MMADHC: variants seen among roughly 807,000 people sequenced by gnomAD.
MMADHC encodes cobalamin trafficking protein CblD.
In MMADHC, 23 loss-of-function variants were observed where a neutral mutation model predicts 36.3. The observed-to-expected ratio is 0.63, with a 90% CI of 0.46 to 0.90. The LOEUF (loss-of-function observed/expected upper bound fraction) is 0.90, where lower values mean the gene tolerates loss of function less well. MMADHC is among the 40% of genes least tolerant of loss of function. The pLI is 0.00. For synonymous variants in MMADHC, 97 were observed against 116.1 expected (o/e 0.84, Z 1.06); for missense variants, 330 against 348.0 (o/e 0.95, Z 0.41).
chr2:149,587,352 C>A (rs1682888703), intron 1 of MMADHC: 2 of 569,592 alleles, frequency 3.5e-6, no homozygotes, highest in Non-Finnish European at 6.3e-6. Context: ...CAGCTCAGAG[C>A]CCTTCCGGTT....
chr2:149,573,168 G>A (rs1189675423), intron 6 of MMADHC, among the ~76,000 whole-genome samples: 1 of 152,142 alleles, frequency 6.6e-6, no homozygotes, highest in Non-Finnish European at 1.5e-5. Context: ...GGTCGCAGGA[G>A]ATGAGACCAA....
rs73965920 is a variant in MMADHC, at chr2:149,587,106, G to A, written c.-9C>T. 2.0e-4 allele frequency: 315 copies of A among 1,613,824 alleles called. No individual in the cohort carries two copies. The African/African-American group carries it at 3.8e-3, about 19-fold the overall frequency. On this transcript the variant is annotated 5_prime_UTR_variant, in exon 2 of 8. Transcript: ENST00000303319. ...TTACTCACATTGGCCATCTCCGCTG[G>A]AGAAGATAGTTCGCAAAATAGCTTT...
In MMADHC at chr2:149,582,243, G is replaced by T. The variant is rs777848447; in HGVS notation, c.38C>A (p.Ser13Tyr). ...NVLCNRARLV[S>Y]YLPGFCSLVK... is the part of the protein sequence containing the mutation. The stretch of plus-strand genomic sequence containing the variant: ...TAAAGAGCAAAATCCTGGGAGATAG[G>T]AAACCAGTCTGGCTCTGTTACAAAG... Residue 13 changes from serine to tyrosine, a missense_variant, in exon 3 of 8, where the codon TCC becomes TAC. Physicochemically the swap from Ser to Tyr is moderately radical, Grantham distance 144. Transcript: ENST00000303319. The T allele has an allele frequency of 9.9e-6, 16 of 1,613,670 alleles. No individual in the cohort carries two copies. The highest frequency in any genetic ancestry group is 1.3e-5 in the African/African-American group (1 of 74,892).
chr2:149,573,217 G>A (rs1159040715), intron 6 of MMADHC, among the ~76,000 whole-genome samples: 1 of 152,034 alleles, frequency 6.6e-6, no homozygotes, highest in African/African-American at 2.4e-5. Context: ...CCGCCTAATC[G>A]AACTGAATTC....
intron 2 of MMADHC, among the ~76,000 whole-genome samples, chr2:149,584,529 CCTGT>C (rs1418219213): frequency 4.6e-5 from 7 of 152,200 alleles, no homozygotes; most frequent in Admixed American, 2.0e-4. Context: ...ATTATTTTAG[CCTGT>C]CTATCAAGGC....
intron 5 of MMADHC, 113 bp from the exon 6 acceptor site, chr2:149,575,954 T>C: frequency 2.4e-6 from 2 of 837,792 alleles, no homozygotes; most frequent in Non-Finnish European, 1.9e-6. Flanking sequence ...GTAAAATTAC[T>C]GTGGTATTAG....
intron 4 of MMADHC, among the ~76,000 whole-genome samples, chr2:149,577,413 T>A (rs1033579629): frequency 6.6e-6 from 1 of 151,990 alleles, no homozygotes; most frequent in African/African-American, 2.4e-5. Context: ...GAATAGGAAG[T>A]AGTGGCAGAT....
In MMADHC at chr2:149,582,367, T is replaced by C; in HGVS notation, c.10-96A>G. ...CAAATCTTCACACTGCAAGGTTCTT[T>C]TAAAACCAACATTTATTCTACTTTT... On this transcript the variant is annotated intron_variant, in intron 2 of 7. Coordinates refer to ENST00000303319, the MANE Select transcript of MMADHC (RefSeq NM_015702.3). 1.4e-5 allele frequency: 17 copies of C among 1,240,570 alleles called. No individual in the cohort carries two copies. The South Asian group carries it at 2.2e-4, about 16-fold the overall frequency. The allele number at this position is 1,240,570 out of a possible 1,614,324, so 76.8% of individuals were successfully genotyped here. A position where few individuals can be genotyped will look rare whatever the true frequency, so the allele number is the denominator to read the frequency against.
chr2:149,575,182 G>A (rs1682694973), intron 6 of MMADHC, among the ~76,000 whole-genome samples: 1 of 152,152 alleles, frequency 6.6e-6, no homozygotes, highest in Admixed American at 6.5e-5. Flanking sequence ...ATATCTATGT[G>A]TAAGCATGGA....
Position 149,579,622 on chromosome 2 carries a change from T to G in MMADHC, c.181A>C (p.Thr61Pro). ...ICSRTVWPDETMGPFGPQDQR... is the reference protein window; with the variant it reads ...ICSRTVWPDEPMGPFGPQDQR... The stretch of plus-strand genomic sequence containing the variant: ...TCTTGAGGTCCAAAGGGTCCCATAG[T>G]TTCATCAGGCCACACTGTTCGAGAG... Residue 61 changes from threonine to proline, a missense_variant, in exon 4 of 8, where the codon ACT (threonine) becomes CCT (proline). By Grantham distance (38) the Thr-to-Pro change is conservative. Coordinates refer to ENST00000303319, the MANE Select transcript of MMADHC (RefSeq NM_015702.3). The G allele has an allele frequency of 6.2e-7, 1 of 1,613,974 alleles. No homozygotes were observed. The highest frequency in any genetic ancestry group is 8.5e-7 in the Non-Finnish European group (1 of 1,179,948).
intron 6 of MMADHC, among the ~76,000 whole-genome samples, chr2:149,572,914 G>A (rs1682665077): frequency 6.6e-6 from 1 of 152,074 alleles, no homozygotes; most frequent in Non-Finnish European, 1.5e-5. Flanking sequence ...AGACTATATT[G>A]TAATTCAGAG....
chr2:149,570,300 G>T, intron 7 of MMADHC, 132 bp from the exon 8 acceptor site: 1 of 786,384 alleles, frequency 1.3e-6, no homozygotes, highest in Non-Finnish European at 2.1e-6. Flanking sequence ...AAAGTCACAT[G>T]CAACACTTAA....
intron 4 of MMADHC, among the ~76,000 whole-genome samples, chr2:149,578,136 T>G (rs1682743153): frequency 6.6e-6 from 1 of 152,130 alleles, no homozygotes; most frequent in South Asian, 2.1e-4. Flanking sequence ...GAACCCAGAT[T>G]TATTCTATCT....
intron 2 of MMADHC, among the ~76,000 whole-genome samples, chr2:149,585,184 A>C (rs1682850490): frequency 6.6e-6 from 1 of 152,244 alleles, no homozygotes. Context: ...ATAGCCAAAA[A>C]GCAAGTCAAA....
intron 4 of MMADHC, among the ~76,000 whole-genome samples, chr2:149,577,695 G>T (rs1372099343): frequency 6.6e-6 from 1 of 151,948 alleles, no homozygotes; most frequent in Non-Finnish European, 1.5e-5. Context: ...GTGGGCTAGA[G>T]ATTATTACTA....
chr2:149,587,540 G>C (rs541114333), intron 1 of MMADHC, 124 bp downstream of exon 1: 89 of 223,512 alleles, frequency 4.0e-4, no homozygotes, highest in African/African-American at 2.0e-3. Flanking sequence ...AGAGACTAAA[G>C]ACAGACGGAC....
chr2:149,572,605 C>A (rs1682660734), intron 6 of MMADHC, among the ~76,000 whole-genome samples: 1 of 152,102 alleles, frequency 6.6e-6, no homozygotes, highest in Non-Finnish European at 1.5e-5. Flanking sequence ...AATGGTGTCA[C>A]TGGAGCTGAG....
chr2:149,584,865 G>C (rs1243773982), intron 2 of MMADHC, among the ~76,000 whole-genome samples: 1 of 151,704 alleles, frequency 6.6e-6, no homozygotes, highest in African/African-American at 2.4e-5. Context: ...GTGAAACCCC[G>C]TTTCTACTAA....
At position 149,569,637 on chromosome 2, in the gene MMADHC, T is replaced by C. The variant is rs1445545779; in HGVS notation, c.*337A>G. 5 of 177,164 alleles carry C rather than the reference T, an allele frequency of 2.8e-5. No homozygotes were observed. Among genetic ancestry groups the C allele is most frequent in the East Asian group, 1.5e-4 (1 of 6,756 alleles). The allele number at this position is 177,164 out of a possible 1,614,324, so 11.0% of individuals were successfully genotyped here. A position where few individuals can be genotyped will look rare whatever the true frequency, so the allele number is the denominator to read the frequency against. On this transcript the variant is annotated 3_prime_UTR_variant, in exon 8 of 8. Transcript: ENST00000303319. ...AATACTGTAATGAAAACACACATTA[T>C]TGTAACCAAATGTGTGATTTATTTT...
Sources: allele counts gnomAD v4.1 joint callset (sites outside exome capture counted in the v4.1 genomes callset), GRCh38; gene constraint gnomAD v4.1.1; transcripts MANE v1.5; gene names NCBI Gene and HGNC (gene_info 2026-07-23, HGNC 2026-07-21).